SYNPR: variants seen among roughly 807,000 people sequenced by gnomAD.
The protein encoded by SYNPR is synaptoporin.
Under a neutral mutation model 32.9 loss-of-function variants are expected in SYNPR, and 23 were observed. The observed-to-expected ratio is 0.70, with a 90% CI of 0.50 to 0.99. The LOEUF is 0.99. SYNPR is among the 50% of genes least tolerant of loss of function. SYNPR has a pLI of 0.00. For synonymous variants in SYNPR, 146 were observed against 135.9 expected (o/e 1.07, Z -0.52); for missense variants, 318 against 349.3 (o/e 0.91, Z 0.71).
chr3:63,324,628 G>T (rs1356188098), intron 2 of SYNPR, among the ~76,000 whole-genome samples: 1 of 152,122 alleles, frequency 6.6e-6, no homozygotes, highest in African/African-American at 2.4e-5. Flanking sequence ...ACTAAGAGGA[G>T]AGAAAGGAAA....
At chr3:63,570,680 T>C (rs964650522) in intron 4 of SYNPR, among the ~76,000 whole-genome samples, 4 of 152,154 alleles carry the variant, frequency 2.6e-5, no homozygotes, top group Non-Finnish European at 4.4e-5. Context: ...AGATATGTGA[T>C]TTCTCCCTCT....
chr3:63,553,391 C>T (rs947380474), intron 3 of SYNPR, among the ~76,000 whole-genome samples: 2 of 152,150 alleles, frequency 1.3e-5, no homozygotes, highest in Non-Finnish European at 2.9e-5. Flanking sequence ...AGTAGCATGG[C>T]CATGAACATG....
At chr3:63,361,731 C>T (rs1027996577) in intron 2 of SYNPR, among the ~76,000 whole-genome samples, 1 of 151,820 alleles carries the variant, frequency 6.6e-6, no homozygotes, top group Non-Finnish European at 1.5e-5. Context: ...GCTGTGATTG[C>T]AGTTATAGTT....
chr3:63,487,647 G>C (rs1181781091), intron 3 of SYNPR, among the ~76,000 whole-genome samples: 2 of 152,162 alleles, frequency 1.3e-5, no homozygotes, highest in Admixed American at 1.3e-4. Flanking sequence ...ATATTTAACT[G>C]TCTCTTGATT....
intron 2 of SYNPR, among the ~76,000 whole-genome samples, chr3:63,260,940 A>T (rs972503775): frequency 2.0e-5 from 3 of 152,220 alleles, no homozygotes; most frequent in African/African-American, 7.2e-5. Flanking sequence ...GAAGACATTT[A>T]TGCAGCCAAA....
chr3:63,596,804 T>A (rs1310397921), intron 4 of SYNPR, among the ~76,000 whole-genome samples: 1 of 152,152 alleles, frequency 6.6e-6, no homozygotes, highest in African/African-American at 2.4e-5. Context: ...AAAAGGGGCA[T>A]CACTGTCACT....
At chr3:63,305,111 C>T (rs146300705) in intron 2 of SYNPR, among the ~76,000 whole-genome samples, 1,981 of 152,032 alleles carry the variant, frequency 0.013, 43 homozygotes, top group African/African-American at 0.045. Flanking sequence ...ATTTGGTGGT[C>T]TGCCTGATGG....
chr3:63,258,770 C>G (rs1159685028), intron 2 of SYNPR, among the ~76,000 whole-genome samples: 3 of 152,168 alleles, frequency 2.0e-5, no homozygotes, highest in South Asian at 2.1e-4. Context: ...TCAAAAAAAT[C>G]AATGAATCCA....
At chr3:63,518,956 G>A (rs1012745735) in intron 3 of SYNPR, among the ~76,000 whole-genome samples, 9 of 152,020 alleles carry the variant, frequency 5.9e-5, no homozygotes, top group Non-Finnish European at 1.0e-4. Context: ...GTTTGTTGAG[G>A]GTTTTTAACA....
At chr3:63,308,868 A>G (rs1307365582) in intron 2 of SYNPR, among the ~76,000 whole-genome samples, 1 of 151,824 alleles carries the variant, frequency 6.6e-6, no homozygotes, top group East Asian at 1.9e-4. Context: ...TATAATTTTC[A>G]TTGAATTATA....
intron 4 of SYNPR, among the ~76,000 whole-genome samples, chr3:63,582,919 C>G (rs746586698): frequency 1.3e-5 from 2 of 152,004 alleles, no homozygotes; most frequent in Non-Finnish European, 2.9e-5. Flanking sequence ...AAGTGTCACG[C>G]GTGTCCGTAT....
At chr3:63,305,527 T>C (rs1370821272) in intron 2 of SYNPR, among the ~76,000 whole-genome samples, 1 of 152,034 alleles carries the variant, frequency 6.6e-6, no homozygotes, top group Admixed American at 6.6e-5. Context: ...CTCTTTCCCT[T>C]ACAAAAATTT....
intron 2 of SYNPR, among the ~76,000 whole-genome samples, chr3:63,381,593 T>A (rs951567497): frequency 7.9e-5 from 12 of 152,248 alleles, no homozygotes; most frequent in Non-Finnish European, 1.3e-4. Context: ...TACATTTTTA[T>A]AGCTGAAGTG....
chr3:63,595,951 T>A (rs868167743), intron 4 of SYNPR, among the ~76,000 whole-genome samples: 27 of 116,852 alleles, frequency 2.3e-4, no homozygotes, highest in South Asian at 1.1e-3. Flanking sequence ...ATATATAGTT[T>A]TATATATATA....
intron 3 of SYNPR, chr3:63,267,480 G>A (rs1011707631): frequency 1.3e-5 from 2 of 152,206 alleles, no homozygotes; most frequent in Non-Finnish European, 1.5e-5. Context: ...GAAGTTGAGA[G>A]CATCTTTCTG....
chr3:63,341,223 T>G (rs925068065), intron 2 of SYNPR, among the ~76,000 whole-genome samples: 24 of 152,382 alleles, frequency 1.6e-4, no homozygotes, highest in Admixed American at 1.0e-3. Flanking sequence ...ATAGCTCATT[T>G]ATTTTTTATT....
At chr3:63,259,948 C>G (rs1198420107) in intron 2 of SYNPR, among the ~76,000 whole-genome samples, 2 of 152,184 alleles carry the variant, frequency 1.3e-5, no homozygotes, top group Non-Finnish European at 2.9e-5. Context: ...AGAGCCAAAT[C>G]ATGAGTGAAC....
chr3:63,438,964 G>C (rs994296629), intron 2 of SYNPR, among the ~76,000 whole-genome samples: 1 of 152,142 alleles, frequency 6.6e-6, no homozygotes, highest in Admixed American at 6.5e-5. Flanking sequence ...TTTCCTCTCT[G>C]TGTTTGCTAA....
intron 3 of SYNPR, among the ~76,000 whole-genome samples, chr3:63,516,762 T>C (rs1701808037): frequency 6.6e-6 from 1 of 152,108 alleles, no homozygotes; most frequent in African/African-American, 2.4e-5. Context: ...CTGCATCTAT[T>C]CATCTTTAGT....
Sources: allele counts gnomAD v4.1 joint callset (sites outside exome capture counted in the v4.1 genomes callset), GRCh38; gene constraint gnomAD v4.1.1; transcripts MANE v1.5; gene names NCBI Gene and HGNC (gene_info 2026-07-23, HGNC 2026-07-21).